Variants in NMT2 observed in about 807,000 individuals in gnomAD.
NMT2 encodes N-myristoyltransferase 2.
Under a neutral mutation model 65.4 loss-of-function variants are expected in NMT2, and 35 were observed. The observed-to-expected ratio is 0.54, with a 90% CI of 0.41 to 0.71. The LOEUF (loss-of-function observed/expected upper bound fraction) is 0.71. Among genes scored for constraint, NMT2 ranks in the 30% least tolerant of loss-of-function variants. The pLI is 0.00. For missense variants in NMT2, 489 were observed against 611.3 expected, an observed-to-expected ratio of 0.80 and a Z score of 2.11; for synonymous variants, 226 against 231.8, an observed-to-expected ratio of 0.98 and a Z score of 0.23.
At position 15,131,303 on chromosome 10, in the gene NMT2, G is replaced by A. The variant is rs146024913; in HGVS notation, c.720-991C>T. Among the ~76,000 whole-genome samples the A allele has an allele frequency of 9.1e-3, 1,360 of 148,686 alleles. 12 individuals are homozygous for A. Among genetic ancestry groups the A allele is most frequent in the Non-Finnish European group, 0.014 (937 of 67,300 alleles). On this transcript the variant is annotated intron_variant, in intron 6 of 11. Transcript: ENST00000378165. ...AAATGGATCAGCTATGGCTCTTTAC[G>A]TTTCTTTCCTTTTTTTTTTTTTTCC...
chr10:15,127,476 G>A (rs1846113454), intron 8 of NMT2, among the ~76,000 whole-genome samples: 2 of 141,702 alleles, frequency 1.4e-5, no homozygotes, highest in South Asian at 4.6e-4. Flanking sequence ...GAACCCAGGA[G>A]GTGGAGCTTG....
In NMT2 at chr10:15,108,269, C is replaced by G. The variant is rs531492070; in HGVS notation, c.*926G>C. The G allele has an allele frequency of 2.5e-6, 2 of 798,742 alleles. No individual in the cohort carries two copies. The highest frequency in any genetic ancestry group is 1.3e-4 in the Admixed American group (2 of 15,914). 49.5% of individuals were successfully genotyped at this position (798,742 alleles called of 1,614,324 possible). ...GTGGCTCGATCTCGGCTCACTGCAA[C>G]CTCACCTCTCAGGTTCAAGCGATTC... On this transcript the variant is annotated 3_prime_UTR_variant, in exon 12 of 12. Transcript: ENST00000378165.
chr10:15,161,080 TCAAAAAAAAAAAAAAAAA>T (rs1833173503), intron 1 of NMT2, among the ~76,000 whole-genome samples: 2 of 3,250 alleles, frequency 6.2e-4, no homozygotes, highest in African/African-American at 2.0e-3. Flanking sequence ...GCCTCAAAAA[TCAAAAAAAAAAAAAAAAA>T]AAAAAAAAAA....
At chr10:15,162,386 CAA>C (rs1267788176) in intron 1 of NMT2, among the ~76,000 whole-genome samples, 3 of 151,580 alleles carry the variant, frequency 2.0e-5, no homozygotes, top group African/African-American at 7.3e-5. Flanking sequence ...AAACAAAATT[CAA>C]AGACTGAATA....
rs1845321861 is a variant in NMT2, at chr10:15,106,894, AGTT to A, written c.*2298_*2300del. 6.6e-6 allele frequency among the ~76,000 whole-genome samples: 1 copy of A among 152,224 alleles called. No homozygotes were observed. The highest frequency in any genetic ancestry group is 2.4e-5 in the African/African-American group (1 of 41,464). On this transcript the variant is annotated 3_prime_UTR_variant, in exon 12 of 12. Coordinates refer to ENST00000378165, the MANE Select transcript of NMT2 (RefSeq NM_004808.3). ...GGCAGAAGGATCACTTGAGGCCAGGAGTTAAAGACCAGCACGGGAAACATAGCA... is the reference window on the plus strand; with the variant it reads ...GGCAGAAGGATCACTTGAGGCCAGGAAAAGACCAGCACGGGAAACATAGCA...
At position 15,135,434 on chromosome 10, in the gene NMT2, C is replaced by CA; in HGVS notation, c.247-17dup. 1 of 1,613,314 alleles carries CA rather than the reference C, an allele frequency of 6.2e-7. No individual in the cohort carries two copies. Among genetic ancestry groups the CA allele is most frequent in the Non-Finnish European group, 8.5e-7 (1 of 1,179,522 alleles). On this transcript the variant is annotated splice_polypyrimidine_tract_variant and intron_variant, in intron 2 of 11. Coordinates refer to ENST00000378165, the MANE Select transcript of NMT2 (RefSeq NM_004808.3). ...CACTGGGATTCTACGACAGCAAAGACAGACACAGAATATGAGAGAGCGGCT... is the reference window on the plus strand; with the variant it reads ...CACTGGGATTCTACGACAGCAAAGACAAGACACAGAATATGAGAGAGCGGCT...
intron 1 of NMT2, among the ~76,000 whole-genome samples, chr10:15,142,990 T>C (rs370768726): frequency 2.6e-5 from 4 of 152,332 alleles, no homozygotes; most frequent in African/African-American, 9.6e-5. Context: ...GTGTGATTTA[T>C]GTATGCATTT....
chr10:15,120,814 G>A (rs761257597), intron 8 of NMT2, among the ~76,000 whole-genome samples: 4 of 152,216 alleles, frequency 2.6e-5, no homozygotes, highest in Non-Finnish European at 5.9e-5. Flanking sequence ...ATACCAGCCT[G>A]AAAGTGTCCA....
chr10:15,109,190 T>A lies in NMT2; in HGVS notation c.*5A>T. Reference sequence around the variant, plus strand: ...TGTCAGAGTTCTAGAAATAAAAATATCCATCTATTGTAGTACTAGTCCAAC... The same window carrying A: ...TGTCAGAGTTCTAGAAATAAAAATAACCATCTATTGTAGTACTAGTCCAAC... On this transcript the variant is annotated 3_prime_UTR_variant, in exon 12 of 12. Transcript: ENST00000378165. 1.2e-6 allele frequency: 2 copies of A among 1,600,978 alleles called. No homozygotes were observed. Among genetic ancestry groups the A allele is most frequent in the Non-Finnish European group, 1.7e-6 (2 of 1,175,926 alleles).
At chr10:15,123,893 C>T (rs1001270831) in intron 8 of NMT2, among the ~76,000 whole-genome samples, 12 of 152,114 alleles carry the variant, frequency 7.9e-5, no homozygotes, top group African/African-American at 2.7e-4. Context: ...TATTAAAAAA[C>T]AGTAGTGTTG....
rs376289144 is a variant in NMT2, at chr10:15,168,644, G to C, written c.-32C>G. The C allele has an allele frequency of 5.7e-5, 88 of 1,537,664 alleles. No homozygotes were observed. The highest frequency in any genetic ancestry group is 7.4e-5 in the Non-Finnish European group (84 of 1,142,162). ...GGCGCTGGCTGGGGAGGCGGTGCTC[G>C]GGGCCGGGCCGGAGCGGCCGCAGCT... On this transcript the variant is annotated 5_prime_UTR_variant, in exon 1 of 12. Coordinates refer to ENST00000378165, the MANE Select transcript of NMT2 (RefSeq NM_004808.3).
chr10:15,157,244 T>C (rs1456115723), intron 1 of NMT2, among the ~76,000 whole-genome samples: 1 of 152,090 alleles, frequency 6.6e-6, no homozygotes. Flanking sequence ...AAACAGAAAC[T>C]GTAAAGGTGA....
At chr10:15,148,807 A>AC (rs1469866445) in intron 1 of NMT2, among the ~76,000 whole-genome samples, 2 of 150,312 alleles carry the variant, frequency 1.3e-5, no homozygotes, top group African/African-American at 5.0e-5. Flanking sequence ...CAATAAAAAA[A>AC]AATTAAGAAA....
At chr10:15,138,248 T>A in intron 2 of NMT2, 1 of 415,714 alleles carries the variant, frequency 2.4e-6, no homozygotes. Flanking sequence ...TGACATCAAG[T>A]GATCTGCCCG....
chr10:15,123,778 C>A (rs1221427467), intron 8 of NMT2, among the ~76,000 whole-genome samples: 1 of 152,104 alleles, frequency 6.6e-6, no homozygotes, highest in Admixed American at 6.5e-5. Context: ...ATCAGATATC[C>A]TTTCCCATGG....
In NMT2 at chr10:15,135,265, A is replaced by G; in HGVS notation, c.391+9T>C. 1 of 1,613,734 alleles carries G rather than the reference A, an allele frequency of 6.2e-7. No homozygotes were observed. Among genetic ancestry groups the G allele is most frequent in the Non-Finnish European group, 8.5e-7 (1 of 1,179,964 alleles). On this transcript the variant is annotated intron_variant, in intron 3 of 11. Coordinates refer to ENST00000378165, the MANE Select transcript of NMT2 (RefSeq NM_004808.3). The stretch of plus-strand genomic sequence containing the variant: ...GTGGGGAAAAAAAGAGAAAAGCAGA[A>G]AAACTTACCTAGTTTTGGTACCGGT...
intron 1 of NMT2, among the ~76,000 whole-genome samples, chr10:15,148,004 T>C (rs1014822049): frequency 6.6e-6 from 1 of 152,216 alleles, no homozygotes; most frequent in Non-Finnish European, 1.5e-5. Flanking sequence ...AGCCAGAATA[T>C]ATACAAAGGT....
At chr10:15,141,389 C>T (rs918786807) in intron 2 of NMT2, 33 bp downstream of exon 2, 5 of 1,612,582 alleles carry the variant, frequency 3.1e-6, no homozygotes, top group Non-Finnish European at 4.2e-6. Context: ...CACGAGAAAC[C>T]ACACAGAGGA....
intron 1 of NMT2, among the ~76,000 whole-genome samples, chr10:15,151,528 G>C (rs897500369): frequency 1.3e-5 from 2 of 152,232 alleles, no homozygotes; most frequent in Non-Finnish European, 2.9e-5. Flanking sequence ...TTTGTAGACA[G>C]TGCAAGGTCG....
Sources: allele counts gnomAD v4.1 joint callset (sites outside exome capture counted in the v4.1 genomes callset), GRCh38; gene constraint gnomAD v4.1.1; transcripts MANE v1.5; gene names NCBI Gene and HGNC (gene_info 2026-07-23, HGNC 2026-07-21).